UNC5C: variants seen among roughly 807,000 people sequenced by gnomAD.
The protein encoded by UNC5C is unc-5 netrin receptor C, also known as netrin receptor UNC5C.
A neutral mutation model predicts 99.8 loss-of-function variants in UNC5C; 47 were observed. The observed-to-expected ratio is 0.47, with a 90% CI of 0.37 to 0.60. The LOEUF is 0.60. Ranked by LOEUF, UNC5C falls within the 20% of genes least tolerant of loss-of-function variation. The probability of loss-of-function intolerance (pLI) is 0.00; values close to 1 mark genes in which losing one functional copy is unlikely to be tolerated. For missense variants in UNC5C, 1,062 were observed against 1,165.9 expected, an observed-to-expected ratio of 0.91 and a Z score of 1.30; for synonymous variants, 487 against 452.2, an observed-to-expected ratio of 1.08 and a Z score of -0.98.
rs1295378085 is a variant in UNC5C, at chr4:95,166,230, G to T, written c.*3004C>A. ...TGTATCACATAGAATGGTTGATGAA[G>T]TGGCTTCCTATGAAATGAACTGTTA... On this transcript the variant is annotated 3_prime_UTR_variant, in exon 16 of 16. Transcript: ENST00000453304. 1.3e-5 allele frequency: 2 copies of T among 152,226 alleles called. No homozygotes were observed. The highest frequency in any genetic ancestry group is 2.9e-5 in the Non-Finnish European group (2 of 68,042). 9.4% of individuals were successfully genotyped at this position (152,226 alleles called of 1,614,324 possible). A position where few individuals can be genotyped will look rare whatever the true frequency, so the allele number is the denominator to read the frequency against.
intron 1 of UNC5C, among the ~76,000 whole-genome samples, chr4:95,432,618 C>T (rs1746663719): frequency 6.6e-6 from 1 of 152,034 alleles, no homozygotes; most frequent in African/African-American, 2.4e-5. Context: ...GGTCAGAACC[C>T]TGTTTGGGGC....
chr4:95,185,788 A>C (rs927805455), intron 12 of UNC5C, among the ~76,000 whole-genome samples: 1 of 152,204 alleles, frequency 6.6e-6, no homozygotes, highest in Non-Finnish European at 1.5e-5. Flanking sequence ...CAATTATTAA[A>C]AAAATTAGAA....
At chr4:95,340,258 G>T (rs996593703) in intron 1 of UNC5C, among the ~76,000 whole-genome samples, 1 of 151,962 alleles carries the variant, frequency 6.6e-6, no homozygotes, top group African/African-American at 2.4e-5. Context: ...TGAATCATAA[G>T]ACTTAAACTA....
rs763956322 is a variant in UNC5C, at chr4:95,219,143, G to T, written c.1471C>A (p.Gln491Lys). 6 of 1,614,008 alleles carry T rather than the reference G, an allele frequency of 3.7e-6. No homozygotes were observed. In the South Asian group the frequency reaches 4.4e-5, roughly 12 times the overall value. Residue 491 changes from glutamine (Q) to lysine (K), a missense_variant, in exon 9 of 16, where the codon CAA (glutamine) becomes AAA (lysine). By Grantham distance (53) the Gln-to-Lys change is moderately conservative. This residue lies in a region of UNC5C where 810 missense variants were observed against 854.5 expected (regional missense o/e 0.95). Transcript: ENST00000453304. ...GACGTAAACTCAGAGAGGTCATCTT[G>T]GGGGGTGACAGCACCTGAGGTGTTG... ...VYNTSGAVTP[Q>K]DDLSEFTSKL...
At chr4:95,481,607 C>T (rs1721158217) in intron 1 of UNC5C, among the ~76,000 whole-genome samples, 1 of 152,096 alleles carries the variant, frequency 6.6e-6, no homozygotes, top group Non-Finnish European at 1.5e-5. Context: ...TGACTTCAAA[C>T]TATCTACAAG....
intron 1 of UNC5C, among the ~76,000 whole-genome samples, chr4:95,548,306 CGCGGGGAGCCTCT>C (rs1723130424): frequency 6.6e-6 from 1 of 152,076 alleles, no homozygotes; most frequent in African/African-American, 2.4e-5. Context: ...CTTGGCACAG[CGCGGGGAGCCTCT>C]GCGCATCATG....
At chr4:95,238,584 AGTTTAC>A (rs1171049474) in intron 7 of UNC5C, among the ~76,000 whole-genome samples, 1 of 152,122 alleles carries the variant, frequency 6.6e-6, no homozygotes, top group African/African-American at 2.4e-5. Flanking sequence ...CATTTTCAGT[AGTTTAC>A]TCAGTAAGGT....
chr4:95,229,707 T>A (rs1738832003), intron 7 of UNC5C, among the ~76,000 whole-genome samples: 1 of 152,026 alleles, frequency 6.6e-6, no homozygotes, highest in South Asian at 2.1e-4. Flanking sequence ...CACCACACTG[T>A]CTTCCACAAT....
At chr4:95,287,701 C>A (rs1458138828) in intron 3 of UNC5C, among the ~76,000 whole-genome samples, 1 of 152,200 alleles carries the variant, frequency 6.6e-6, no homozygotes, top group Non-Finnish European at 1.5e-5. Context: ...AGGCAAGATG[C>A]AATGAATCTG....
intron 14 of UNC5C, among the ~76,000 whole-genome samples, chr4:95,174,060 T>C (rs920919629): frequency 2.0e-5 from 3 of 152,204 alleles, no homozygotes; most frequent in Non-Finnish European, 4.4e-5. Flanking sequence ...TGCTGGTAGT[T>C]TGTATTTCTG....
chr4:95,217,783 C>T (rs1738303186), intron 9 of UNC5C, among the ~76,000 whole-genome samples: 1 of 151,962 alleles, frequency 6.6e-6, no homozygotes, highest in African/African-American at 2.4e-5. Context: ...ATGGAAGAAC[C>T]TTAAAGTATG....
At chr4:95,174,299 G>T (rs1357536729) in intron 14 of UNC5C, among the ~76,000 whole-genome samples, 1 of 151,770 alleles carries the variant, frequency 6.6e-6, no homozygotes, top group East Asian at 1.9e-4. Flanking sequence ...GAATGTGTTT[G>T]CTCTTGCTTT....
intron 1 of UNC5C, among the ~76,000 whole-genome samples, chr4:95,435,351 C>CT (rs1401543004): frequency 2.6e-5 from 4 of 152,130 alleles, no homozygotes; most frequent in South Asian, 4.2e-4. Flanking sequence ...ATAGCCACCT[C>CT]TTTTTTACCA....
chr4:95,361,418 C>A (rs1480036557), intron 1 of UNC5C, among the ~76,000 whole-genome samples: 1 of 152,166 alleles, frequency 6.6e-6, no homozygotes, highest in Non-Finnish European at 1.5e-5. Flanking sequence ...TCAAGATGAA[C>A]TGCCACAAAA....
chr4:95,532,425 A>G (rs1722672280), intron 1 of UNC5C, among the ~76,000 whole-genome samples: 1 of 150,674 alleles, frequency 6.6e-6, no homozygotes, highest in African/African-American at 2.5e-5. Flanking sequence ...TGCATCAACA[A>G]AATATGCATT....
At chr4:95,333,435 A>T (rs1743202018) in intron 2 of UNC5C, among the ~76,000 whole-genome samples, 1 of 152,064 alleles carries the variant, frequency 6.6e-6, no homozygotes, top group Non-Finnish European at 1.5e-5. Context: ...CATGGATGAA[A>T]TTGGAAATCA....
intron 1 of UNC5C, among the ~76,000 whole-genome samples, chr4:95,519,407 T>C (rs1722294885): frequency 6.6e-6 from 1 of 152,016 alleles, no homozygotes; most frequent in African/African-American, 2.4e-5. Flanking sequence ...AAGAGACCCA[T>C]AGAATGGACC....
chr4:95,190,346 G>A (rs567662568), intron 12 of UNC5C, among the ~76,000 whole-genome samples: 4 of 151,522 alleles, frequency 2.6e-5, no homozygotes, highest in African/African-American at 9.7e-5. Flanking sequence ...GTTGTGGGGT[G>A]GGGGGAGGCG....
At chr4:95,219,554 A>C (rs1254642358) in intron 8 of UNC5C, among the ~76,000 whole-genome samples, 1 of 152,210 alleles carries the variant, frequency 6.6e-6, no homozygotes, top group Non-Finnish European at 1.5e-5. Context: ...CATTATGCCC[A>C]AGGTATTTGG....
Sources: allele counts gnomAD v4.1 joint callset (sites outside exome capture counted in the v4.1 genomes callset), GRCh38; gene constraint gnomAD v4.1.1; regional missense constraint gnomAD v4.1.1; transcripts MANE v1.5; gene names NCBI Gene and HGNC (gene_info 2026-07-23, HGNC 2026-07-21).